Variants in ZCCHC7 observed in about 807,000 individuals in gnomAD.
ZCCHC7 encodes the protein zinc finger CCHC-type containing 7.
A neutral mutation model predicts 52.0 loss-of-function variants in ZCCHC7; 35 were observed. The ratio of observed to expected loss-of-function variants is 0.67; its 90% CI spans 0.51 to 0.89. The LOEUF (loss-of-function observed/expected upper bound fraction) is 0.89. Among genes scored for constraint, ZCCHC7 ranks in the 40% least tolerant of loss-of-function variants. The probability of loss-of-function intolerance (pLI) is 0.00; values close to 1 mark genes in which losing one functional copy is unlikely to be tolerated. For missense variants in ZCCHC7, 574 were observed against 649.1 expected, an observed-to-expected ratio of 0.88 and a Z score of 1.26; for synonymous variants, 217 against 221.5, an observed-to-expected ratio of 0.98 and a Z score of 0.18.
At chr9:37,348,343 G>GTTTCTTTCTTTCTTTCTTTCT (rs1554736695) in intron 6 of ZCCHC7, among the ~76,000 whole-genome samples, 2 of 100,018 alleles carry the variant, frequency 2.0e-5, no homozygotes, top group African/African-American at 6.6e-5. Context: ...AGTGATACCA[G>GTTTCTTTCTTTCTTTCTTTCT]TTCGTTCTTT....
intron 3 of ZCCHC7, 97 bp from the exon 4 acceptor site, chr9:37,304,081 GCTTGATGTAT>G: frequency 9.1e-7 from 1 of 1,102,684 alleles, no homozygotes; most frequent in East Asian, 2.5e-5. Context: ...CTGACTTGAA[GCTTGATGTAT>G]CTTTATTTGC....
chr9:37,268,190 TTC>T (rs1827208470), intron 2 of ZCCHC7, among the ~76,000 whole-genome samples: 1 of 152,172 alleles, frequency 6.6e-6, no homozygotes, highest in Non-Finnish European at 1.5e-5. Context: ...ACAAAACAAA[TTC>T]TGTGTGAATT....
intron 2 of ZCCHC7, among the ~76,000 whole-genome samples, chr9:37,222,299 G>A (rs537148782): frequency 6.1e-4 from 92 of 149,864 alleles, no homozygotes; most frequent in African/African-American, 2.1e-3. Flanking sequence ...CATAGAACAG[G>A]CCAAGGGATA....
chr9:37,279,171 C>T (rs1238844752), intron 2 of ZCCHC7, among the ~76,000 whole-genome samples: 9 of 151,634 alleles, frequency 5.9e-5, no homozygotes, highest in Non-Finnish European at 1.3e-4. Context: ...CTTATTTTAT[C>T]CTCTTTATTT....
At chr9:37,247,925 A>G (rs988232380) in intron 2 of ZCCHC7, among the ~76,000 whole-genome samples, 1 of 151,870 alleles carries the variant, frequency 6.6e-6, no homozygotes, top group Admixed American at 6.6e-5. Context: ...TAAAAATAAT[A>G]ATAATAATAA....
At chr9:37,179,382 C>T (rs7047479) in intron 2 of ZCCHC7, among the ~76,000 whole-genome samples, 85,996 of 151,902 alleles carry the variant, frequency 0.57, 24,962 homozygotes, top group African/African-American at 0.7. Context: ...CGTAATAGTG[C>T]GCTGTGTAAT....
At chr9:37,226,200 C>CA (rs1420713646) in intron 2 of ZCCHC7, among the ~76,000 whole-genome samples, 1 of 151,888 alleles carries the variant, frequency 6.6e-6, no homozygotes, top group African/African-American at 2.4e-5. Flanking sequence ...TTCACAGTAT[C>CA]AAAAAATGTG....
In ZCCHC7 at chr9:37,200,693, G is replaced by C. The variant is rs1256026742; in HGVS notation, c.610+73751G>C. On this transcript the variant is annotated intron_variant, in intron 2 of 8. Coordinates refer to ENST00000336755, the MANE Select transcript of ZCCHC7 (RefSeq NM_032226.3). ...GAGTGAAGAGTCAAATAAGAAATTTGAGGGTGTTTATAGCTGTCTGTAAAT... is the reference window on the plus strand; with the variant it reads ...GAGTGAAGAGTCAAATAAGAAATTTCAGGGTGTTTATAGCTGTCTGTAAAT... Among the ~76,000 whole-genome samples the C allele has an allele frequency of 2.0e-5, 3 of 152,230 alleles. No homozygotes were observed. In the East Asian group the frequency reaches 5.8e-4, roughly 29 times the overall value.
intron 6 of ZCCHC7, among the ~76,000 whole-genome samples, chr9:37,340,689 C>G (rs904992806): frequency 2.6e-5 from 4 of 152,132 alleles, no homozygotes; most frequent in Non-Finnish European, 4.4e-5. Context: ...ATTTATATTT[C>G]TAACACAATA....
intron 2 of ZCCHC7, among the ~76,000 whole-genome samples, chr9:37,160,602 A>G (rs1296918418): frequency 1.3e-5 from 2 of 152,080 alleles, no homozygotes; most frequent in East Asian, 3.9e-4. Flanking sequence ...CACATTTAAC[A>G]TGGGCTGGGG....
At chr9:37,338,185 G>A (rs943299908) in intron 6 of ZCCHC7, among the ~76,000 whole-genome samples, 2 of 152,080 alleles carry the variant, frequency 1.3e-5, no homozygotes, top group Non-Finnish European at 1.5e-5. Flanking sequence ...TTGATAGGGG[G>A]AGTGTCCTGT....
At chr9:37,215,713 T>C (rs1824466423) in intron 2 of ZCCHC7, among the ~76,000 whole-genome samples, 1 of 152,234 alleles carries the variant, frequency 6.6e-6, no homozygotes. Flanking sequence ...GACTGTCACC[T>C]ATTTGAAAAA....
chr9:37,344,532 C>T (rs10973303), intron 6 of ZCCHC7, among the ~76,000 whole-genome samples: 28,187 of 151,990 alleles, frequency 0.19, 2,868 homozygotes, highest in African/African-American at 0.26. Context: ...CCATAGGACT[C>T]GGTACTACTC....
chr9:37,240,110 G>T (rs1825815433), intron 2 of ZCCHC7, among the ~76,000 whole-genome samples: 1 of 151,974 alleles, frequency 6.6e-6, no homozygotes, highest in African/African-American at 2.4e-5. Context: ...TGTTGTGGTT[G>T]AGGGTTTGGG....
chr9:37,279,806 A>G (rs1292674276), intron 2 of ZCCHC7, among the ~76,000 whole-genome samples: 1 of 152,150 alleles, frequency 6.6e-6, no homozygotes. Flanking sequence ...TGGAGTAGTC[A>G]TATTAATCAG....
intron 2 of ZCCHC7, among the ~76,000 whole-genome samples, chr9:37,241,992 G>C (rs1008807833): frequency 4.0e-5 from 6 of 151,556 alleles, no homozygotes; most frequent in Non-Finnish European, 7.4e-5. Context: ...AATAGGTTTT[G>C]GTTTATCTTA....
Position 37,269,634 on chromosome 9 carries a change from AAAAAAAAAAAAAC to A in ZCCHC7, c.611-32549_611-32537del, listed in dbSNP as rs1483531333. ...ACTCTGTCTCAAAAAAAAAAAAAAA[AAAAAAAAAAAAAC>A]AAAAGAAGTTCTAGGCATGATATGA... is the stretch of plus-strand genomic sequence containing the variant. On this transcript the variant is annotated intron_variant, in intron 2 of 8. Coordinates refer to ENST00000336755, the MANE Select transcript of ZCCHC7 (RefSeq NM_032226.3). 1.1e-3 allele frequency among the ~76,000 whole-genome samples: 159 copies of A among 149,708 alleles called. 1 individual carries two copies. The highest frequency in any genetic ancestry group is 3.4e-3 in the Middle Eastern group (1 of 290).
At chr9:37,318,225 G>T (rs1202446992) in intron 5 of ZCCHC7, among the ~76,000 whole-genome samples, 2 of 151,866 alleles carry the variant, frequency 1.3e-5, no homozygotes, top group Non-Finnish European at 2.9e-5. Flanking sequence ...GATATAAAAG[G>T]CCGGGCGCAG....
chr9:37,232,957 A>G (rs1825476469), intron 2 of ZCCHC7, among the ~76,000 whole-genome samples: 1 of 152,170 alleles, frequency 6.6e-6, no homozygotes, highest in South Asian at 2.1e-4. Flanking sequence ...TATATTGACC[A>G]ATATTAATTC....
Sources: allele counts gnomAD v4.1 joint callset (sites outside exome capture counted in the v4.1 genomes callset), GRCh38; gene constraint gnomAD v4.1.1; transcripts MANE v1.5; gene names NCBI Gene and HGNC (gene_info 2026-07-23, HGNC 2026-07-21).